The following PHACTR3 variants were observed in gnomAD, a reference collection of about 807,000 sequenced individuals.
PHACTR3 encodes protein phosphatase 1, regulatory subunit 123.
A neutral mutation model predicts 66.8 loss-of-function variants in PHACTR3; 16 were observed. The ratio of observed to expected loss-of-function variants is 0.24; its 90% CI spans 0.16 to 0.36. The LOEUF is 0.36. Among genes scored for constraint, PHACTR3 ranks in the 10% least tolerant of loss-of-function variants. PHACTR3 has a pLI of 1.00. For missense variants in PHACTR3, 647 were observed against 719.9 expected (o/e 0.90, Z 1.16); for synonymous variants, 323 against 292.1 (o/e 1.11, Z -1.08).
At chr20:59,687,205 G>A (rs2036931825) in intron 1 of PHACTR3, among the ~76,000 whole-genome samples, 1 of 150,150 alleles carries the variant, frequency 6.7e-6, no homozygotes, top group Non-Finnish European at 1.5e-5. Context: ...GATGATCATG[G>A]CAGTGATGGT....
chr20:59,578,502 A>C (rs137921192), intron 1 of PHACTR3, among the ~76,000 whole-genome samples: 9 of 152,308 alleles, frequency 5.9e-5, no homozygotes, highest in African/African-American at 2.2e-4. Flanking sequence ...AAGCACCAGG[A>C]AACTCTGGTT....
chr20:59,785,952 C>G (rs986702461), intron 7 of PHACTR3, among the ~76,000 whole-genome samples: 26 of 152,254 alleles, frequency 1.7e-4, no homozygotes, highest in African/African-American at 5.3e-4. Flanking sequence ...CCCCTGCATC[C>G]CCAGGTAGCA....
chr20:59,789,035 C>G (rs1312738364), intron 7 of PHACTR3, among the ~76,000 whole-genome samples: 2 of 152,238 alleles, frequency 1.3e-5, no homozygotes, highest in African/African-American at 2.4e-5. Context: ...TAGCTGCCCT[C>G]CCACTAAAAT....
At chr20:59,606,069 C>T (rs183875301) in intron 1 of PHACTR3, among the ~76,000 whole-genome samples, 8 of 152,194 alleles carry the variant, frequency 5.3e-5, no homozygotes, top group Non-Finnish European at 1.2e-4. Context: ...ACAATTCCTT[C>T]GTAGATTCTG....
At position 59,817,725 on chromosome 20, in the gene PHACTR3, G is replaced by T. The variant is rs540161925; in HGVS notation, c.1328+11531G>T. On this transcript the variant is annotated intron_variant, in intron 8 of 12. Coordinates refer to ENST00000371015, the MANE Select transcript of PHACTR3 (RefSeq NM_080672.5). ...CCCTGGCCACATGTCAGGCCATTGT[G>T]GCCAGAATTTCCAAGAGAAACCGAA... Among the ~76,000 whole-genome samples, 3 of 152,366 alleles carry T rather than the reference G, an allele frequency of 2.0e-5. 1 individual carries two copies. The South Asian group carries it at 6.2e-4, about 32-fold the overall frequency.
chr20:59,639,444 A>G (rs1338335894), intron 1 of PHACTR3, among the ~76,000 whole-genome samples: 1 of 152,116 alleles, frequency 6.6e-6, no homozygotes, highest in African/African-American at 2.4e-5. Flanking sequence ...TGACCACACA[A>G]AGTTCCAAGA....
intron 1 of PHACTR3, among the ~76,000 whole-genome samples, chr20:59,689,985 C>T (rs896968208): frequency 1.1e-4 from 17 of 152,120 alleles, no homozygotes; most frequent in Non-Finnish European, 1.9e-4. Flanking sequence ...TTCTGCTGGG[C>T]GATGGGAGTG....
intron 1 of PHACTR3, among the ~76,000 whole-genome samples, chr20:59,701,490 A>G (rs941592679): frequency 2.6e-5 from 4 of 152,228 alleles, no homozygotes; most frequent in African/African-American, 9.7e-5. Flanking sequence ...TAGCTACCAG[A>G]TAGGCTCCAG....
chr20:59,760,873 G>A (rs2039973248), intron 4 of PHACTR3, among the ~76,000 whole-genome samples: 1 of 152,064 alleles, frequency 6.6e-6, no homozygotes, highest in South Asian at 2.1e-4. Context: ...GACACTCAGG[G>A]AGCGTGTTCT....
intron 4 of PHACTR3, among the ~76,000 whole-genome samples, chr20:59,759,748 C>T (rs2039932728): frequency 6.6e-6 from 1 of 152,178 alleles, no homozygotes; most frequent in Non-Finnish European, 1.5e-5. Context: ...CCTCAGCACC[C>T]AAGGGAACTG....
chr20:59,595,077 C>T (rs2033285947), intron 1 of PHACTR3, among the ~76,000 whole-genome samples: 1 of 152,170 alleles, frequency 6.6e-6, no homozygotes, highest in Admixed American at 6.5e-5. Context: ...ATTCAATCTC[C>T]ACATTTTGAG....
Position 59,837,446 on chromosome 20 carries a change from A to C in PHACTR3, c.1384+886A>C, listed in dbSNP as rs149213210. Among the ~76,000 whole-genome samples the C allele has an allele frequency of 1.2e-4, 19 of 152,248 alleles. No homozygotes were observed. In the East Asian group the frequency reaches 3.5e-3, roughly 28 times the overall value. On this transcript the variant is annotated intron_variant, in intron 9 of 12. Transcript: ENST00000371015. ...TGGTCTGGGTACTGAACTTGAATTG[A>C]TTCCTCCCTCCTTTCTTTGCCTCAG...
chr20:59,616,792 G>T (rs796512103), intron 1 of PHACTR3, among the ~76,000 whole-genome samples: 16 of 152,338 alleles, frequency 1.1e-4, no homozygotes, highest in African/African-American at 3.8e-4. Context: ...GCAAGTAGCT[G>T]GTTCTGCTTT....
chr20:59,690,349 CG>C (rs2037065423), intron 1 of PHACTR3, among the ~76,000 whole-genome samples: 1 of 152,248 alleles, frequency 6.6e-6, no homozygotes, highest in Admixed American at 6.5e-5. Flanking sequence ...GGGCCCATCA[CG>C]TCATCCTGTC....
At chr20:59,834,879 G>GTCT (rs1187907189) in intron 8 of PHACTR3, among the ~76,000 whole-genome samples, 2 of 152,178 alleles carry the variant, frequency 1.3e-5, no homozygotes, top group African/African-American at 2.4e-5. Context: ...TGGAAGAATT[G>GTCT]TCTTGAGCCG....
At chr20:59,638,717 G>C (rs944029130) in intron 1 of PHACTR3, among the ~76,000 whole-genome samples, 19 of 146,682 alleles carry the variant, frequency 1.3e-4, no homozygotes, top group African/African-American at 4.5e-4. Flanking sequence ...TGGGTGGGTG[G>C]ATGGATGGAT....
chr20:59,589,249 G>A (rs764437340), intron 1 of PHACTR3, among the ~76,000 whole-genome samples: 1 of 152,232 alleles, frequency 6.6e-6, no homozygotes, highest in African/African-American at 2.4e-5. Flanking sequence ...ATCTCAGGGC[G>A]AAGGCCGGTG....
chr20:59,693,338 G>A (rs753399897), intron 1 of PHACTR3, among the ~76,000 whole-genome samples: 5 of 152,188 alleles, frequency 3.3e-5, no homozygotes, highest in South Asian at 2.1e-4. Context: ...CACTTGTTGA[G>A]CTTGGGGTCG....
chr20:59,806,249 G>C, intron 8 of PHACTR3, 55 bp downstream of exon 8: 6 of 1,581,846 alleles, frequency 3.8e-6, no homozygotes, highest in South Asian at 1.2e-5. Flanking sequence ...TGCAGGCGGA[G>C]CCCCTCTGAG....
Sources: gnomAD v4.1 joint callset for allele counts (sites outside exome capture counted in the v4.1 genomes callset) on GRCh38, gnomAD v4.1.1 for gene constraint, MANE v1.5 for transcripts, NCBI Gene and HGNC (gene_info 2026-07-23, HGNC 2026-07-21) for gene names.